The following CSMD1 variants were observed in gnomAD, a reference collection of about 807,000 sequenced individuals.
CSMD1 encodes CUB and sushi domain-containing protein 1.
In CSMD1, 213 loss-of-function variants were observed where a neutral mutation model predicts 417.5. That is an observed-to-expected ratio of 0.51 (90% confidence interval 0.46 to 0.57). The LOEUF (loss-of-function observed/expected upper bound fraction) is 0.57, where lower values mean the gene tolerates loss of function less well. Among genes scored for constraint, CSMD1 ranks in the 20% least tolerant of loss-of-function variants. The probability of loss-of-function intolerance (pLI) is 0.00; values close to 1 mark genes in which losing one functional copy is unlikely to be tolerated. For synonymous variants in CSMD1, 2,862 were observed against 1,736.8 expected, an observed-to-expected ratio of 1.65 and a Z score of -16.11; for missense variants, 6,923 against 4,529.7, an observed-to-expected ratio of 1.53 and a Z score of -15.17.
chr8:4,004,717 T>C (rs559423517), intron 4 of CSMD1, among the ~76,000 whole-genome samples: 3 of 152,034 alleles, frequency 2.0e-5, no homozygotes, highest in Admixed American at 6.6e-5. Context: ...CTGGATGAGA[T>C]TGGTGACTAT....
intron 33 of CSMD1, among the ~76,000 whole-genome samples, chr8:3,198,879 A>G (rs1420153203): frequency 6.6e-6 from 1 of 151,824 alleles, no homozygotes; most frequent in Non-Finnish European, 1.5e-5. Flanking sequence ...AGTGGCCATT[A>G]GTATCTGTAG....
intron 5 of CSMD1, among the ~76,000 whole-genome samples, chr8:3,861,251 A>C (rs1021329483): frequency 6.6e-6 from 1 of 152,204 alleles, no homozygotes; most frequent in African/African-American, 2.4e-5. Flanking sequence ...ACGGAGACCA[A>C]CGTACTATGT....
chr8:4,369,328 T>C (rs1802270237), intron 3 of CSMD1, among the ~76,000 whole-genome samples: 1 of 152,280 alleles, frequency 6.6e-6, no homozygotes, highest in South Asian at 2.1e-4. Flanking sequence ...TTGAATTTTT[T>C]TTTAAATTTA....
chr8:4,247,513 T>G (rs1247762605), intron 3 of CSMD1, among the ~76,000 whole-genome samples: 1 of 152,104 alleles, frequency 6.6e-6, no homozygotes, highest in African/African-American at 2.4e-5. Flanking sequence ...GGTGTAGAAA[T>G]TTACTTTTTC....
intron 5 of CSMD1, among the ~76,000 whole-genome samples, chr8:3,787,982 G>A (rs987688436): frequency 1.3e-5 from 2 of 152,182 alleles, no homozygotes; most frequent in Non-Finnish European, 2.9e-5. Flanking sequence ...GAATAATTGG[G>A]AGCTGTGAGT....
At chr8:4,839,022 G>C (rs979424749) in intron 1 of CSMD1, among the ~76,000 whole-genome samples, 2 of 152,150 alleles carry the variant, frequency 1.3e-5, no homozygotes, top group Non-Finnish European at 2.9e-5. Flanking sequence ...TTGTGGTTTT[G>C]CCAGTATAAC....
At chr8:4,061,502 A>G (rs143278739) in intron 3 of CSMD1, among the ~76,000 whole-genome samples, 116 of 152,322 alleles carry the variant, frequency 7.6e-4, no homozygotes, top group African/African-American at 2.5e-3. Flanking sequence ...TAAAAACTGT[A>G]AAGTAAGTAG....
intron 5 of CSMD1, among the ~76,000 whole-genome samples, chr8:3,781,638 G>T (rs955380958): frequency 9.2e-5 from 14 of 152,212 alleles, no homozygotes; most frequent in African/African-American, 3.4e-4. Flanking sequence ...TATAGTTGAT[G>T]ATTGTCCCTG....
At chr8:4,213,754 G>A (rs1227317206) in intron 3 of CSMD1, among the ~76,000 whole-genome samples, 1 of 152,202 alleles carries the variant, frequency 6.6e-6, no homozygotes, top group African/African-American at 2.4e-5. Context: ...GAACATGGCT[G>A]AGATGGGGTT....
chr8:3,752,251 C>G (rs1172385450), intron 6 of CSMD1, among the ~76,000 whole-genome samples: 3 of 152,126 alleles, frequency 2.0e-5, no homozygotes, highest in African/African-American at 4.8e-5. Context: ...TAATTTCACT[C>G]TAATAAAATT....
chr8:3,169,781 C>A lies in CSMD1; in HGVS notation c.5726-7504G>T, dbSNP rs553377099. On this transcript the variant is annotated intron_variant, in intron 37 of 69. Coordinates refer to ENST00000635120, the MANE Select transcript of CSMD1 (RefSeq NM_033225.6). ...ACGGTTTCTTTTCAAATAGCATGCT[C>A]AGCTTCTTATTCTCTAATTCCAAGT... Among the ~76,000 whole-genome samples, 8 of 152,258 alleles carry A rather than the reference C, an allele frequency of 5.3e-5. No individual in the cohort carries two copies. The East Asian group carries it at 1.5e-3, about 29-fold the overall frequency.
At chr8:4,056,137 A>C (rs1421254215) in intron 3 of CSMD1, among the ~76,000 whole-genome samples, 7 of 142,148 alleles carry the variant, frequency 4.9e-5, no homozygotes, top group African/African-American at 1.9e-4. Flanking sequence ...GCTGCAATAC[A>C]GTGGCACCAT....
chr8:3,996,089 T>G (rs1244024908), intron 5 of CSMD1, among the ~76,000 whole-genome samples: 1 of 152,162 alleles, frequency 6.6e-6, no homozygotes, highest in Non-Finnish European at 1.5e-5. Flanking sequence ...CTCATCACAC[T>G]CATGATCTGT....
At chr8:3,886,297 C>T (rs964976737) in intron 5 of CSMD1, among the ~76,000 whole-genome samples, 4 of 152,202 alleles carry the variant, frequency 2.6e-5, no homozygotes, top group African/African-American at 9.7e-5. Flanking sequence ...AATCCGACTG[C>T]CTCAGCCTCT....
intron 2 of CSMD1, among the ~76,000 whole-genome samples, chr8:4,630,979 T>C (rs1371581214): frequency 6.6e-6 from 1 of 152,188 alleles, no homozygotes; most frequent in African/African-American, 2.4e-5. Flanking sequence ...GTGGTGTTCA[T>C]ATGAGGCTGG....
intron 3 of CSMD1, among the ~76,000 whole-genome samples, chr8:4,043,474 T>C (rs780654489): frequency 6.6e-6 from 1 of 152,198 alleles, no homozygotes; most frequent in African/African-American, 2.4e-5. Context: ...CCCAGTGTTA[T>C]GTTGTCTTCA....
chr8:4,396,989 T>C (rs918103244), intron 3 of CSMD1, among the ~76,000 whole-genome samples: 1 of 151,802 alleles, frequency 6.6e-6, no homozygotes, highest in East Asian at 1.9e-4. Flanking sequence ...GACCTATTCA[T>C]GTAACCAAAC....
At chr8:4,267,101 T>G (rs900123370) in intron 3 of CSMD1, among the ~76,000 whole-genome samples, 6 of 103,924 alleles carry the variant, frequency 5.8e-5, no homozygotes, top group African/African-American at 1.6e-4. Context: ...TTATTTTTTT[T>G]TGAAAGTGCT....
chr8:3,026,280 G>T (rs1039139600), intron 51 of CSMD1, among the ~76,000 whole-genome samples: 4 of 151,866 alleles, frequency 2.6e-5, no homozygotes, highest in African/African-American at 9.7e-5. Context: ...ACACCACAAG[G>T]ACATGAACTC....
Sources: allele counts gnomAD v4.1 joint callset (sites outside exome capture counted in the v4.1 genomes callset), GRCh38; gene constraint gnomAD v4.1.1; transcripts MANE v1.5; gene names NCBI Gene and HGNC (gene_info 2026-07-23, HGNC 2026-07-21).